TRIP12: variants seen among roughly 807,000 people sequenced by gnomAD.
The protein encoded by TRIP12 is E3 ubiquitin-protein ligase TRIP12.
In TRIP12, 25 loss-of-function variants were observed where a neutral mutation model predicts 244.2. The observed-to-expected ratio is 0.10, with a 90% confidence interval of 0.07 to 0.14. The LOEUF (loss-of-function observed/expected upper bound fraction) is 0.14, where lower values mean the gene tolerates loss of function less well. Among genes scored for constraint, TRIP12 ranks in the 10% least tolerant of loss-of-function variants. The pLI, the probability that TRIP12 is intolerant of heterozygous loss-of-function variation, is 1.00. For missense variants in TRIP12, 1,677 were observed against 2,486.4 expected (o/e 0.67, Z 6.92); for synonymous variants, 905 against 873.1 (o/e 1.04, Z -0.64).
At chr2:229,793,515 T>C (rs1428244696) in intron 26 of TRIP12, 1 of 154,954 alleles carries the variant, frequency 6.5e-6, no homozygotes, top group Non-Finnish European at 1.4e-5. Context: ...CCCATTCCTA[T>C]TGAATTATAT....
chr2:229,905,180 A>G (rs1474709816), intron 1 of TRIP12, among the ~76,000 whole-genome samples: 1 of 152,024 alleles, frequency 6.6e-6, no homozygotes, highest in African/African-American at 2.4e-5. Context: ...AGGGTGAGGC[A>G]GGAGAATCGC....
At chr2:229,915,214 C>T (rs540954175) in intron 1 of TRIP12, among the ~76,000 whole-genome samples, 3 of 152,078 alleles carry the variant, frequency 2.0e-5, no homozygotes, top group Admixed American at 2.0e-4. Context: ...GATTGCGCCA[C>T]TGCACTCCAA....
At chr2:229,771,480 T>G in intron 39 of TRIP12, 39 bp downstream of exon 39, 2 of 1,547,436 alleles carry the variant, frequency 1.3e-6, no homozygotes, top group Non-Finnish European at 1.8e-6. Context: ...CCACTAAAAT[T>G]ATAGGTATGA....
intron 15 of TRIP12, 122 bp from the exon 16 acceptor site, chr2:229,808,491 G>A: frequency 1.5e-6 from 1 of 664,224 alleles, no homozygotes; most frequent in Non-Finnish European, 2.5e-6. Flanking sequence ...GCAACATAAT[G>A]CAGAAATTAA....
Position 229,810,977 on chromosome 2 carries a change from T to G in TRIP12, c.2124A>C (p.Pro708=). 6.2e-7 allele frequency: 1 copy of G among 1,614,050 alleles called. No homozygotes were observed. Among genetic ancestry groups the G allele is most frequent in the Non-Finnish European group, 8.5e-7 (1 of 1,179,984 alleles). The change falls in exon 15 of 42, where the codon CCA becomes CCC. Residue 708 remains proline (P), a synonymous_variant. Coordinates refer to ENST00000675903, the MANE Select transcript of TRIP12 (RefSeq NM_001348323.3). ...TAAACATCCCAGAACTTAAAATGGG[T>G]GGAGTCACTACCAACAGCTGTTGAA... The part of the protein sequence containing the change: ...TNVQQLLVVT[P]PILSSGMFIM...
chr2:229,768,856 T>C (rs1371926103), intron 40 of TRIP12, 137 bp from the exon 41 acceptor site: 4 of 803,912 alleles, frequency 5.0e-6, no homozygotes, highest in Non-Finnish European at 7.6e-6. Flanking sequence ...ACAATGTACT[T>C]AAATTCGTTT....
chr2:229,771,296 T>C (rs2034238006), intron 39 of TRIP12, among the ~76,000 whole-genome samples: 1 of 152,228 alleles, frequency 6.6e-6, no homozygotes, highest in Non-Finnish European at 1.5e-5. Flanking sequence ...GATGCTATGC[T>C]TACTGTCACG....
intron 23 of TRIP12, 56 bp downstream of exon 23, chr2:229,798,819 T>C: frequency 6.3e-7 from 1 of 1,577,826 alleles, no homozygotes; most frequent in Non-Finnish European, 8.7e-7. Context: ...GCTGAAATAA[T>C]GTTTAAGTTT....
intron 38 of TRIP12, 54 bp downstream of exon 38, chr2:229,774,043 G>A (rs2035442878): frequency 5.1e-6 from 8 of 1,569,626 alleles, no homozygotes; most frequent in Non-Finnish European, 5.2e-6. Flanking sequence ...GTACAATCAG[G>A]CAAAGTCCTC....
chr2:229,791,812 C>CA, intron 29 of TRIP12, 54 bp downstream of exon 29: 1 of 1,579,142 alleles, frequency 6.3e-7, no homozygotes, highest in Non-Finnish European at 8.6e-7. Flanking sequence ...TTCTAAAACA[C>CA]AAGAACAGTT....
chr2:229,844,097 A>G (rs958717723), intron 4 of TRIP12, among the ~76,000 whole-genome samples: 2 of 152,212 alleles, frequency 1.3e-5, no homozygotes, highest in African/African-American at 4.8e-5. Context: ...TTAAAACAAC[A>G]TTGTAAGAGA....
intron 1 of TRIP12, among the ~76,000 whole-genome samples, chr2:229,901,852 G>C (rs13399826): frequency 6.6e-6 from 1 of 151,860 alleles, no homozygotes; most frequent in East Asian, 2.0e-4. Context: ...GTAGCAGACA[G>C]GGTTCCCTAC....
chr2:229,808,051 C>T (rs571883431), intron 16 of TRIP12, among the ~76,000 whole-genome samples, 187 bp from the exon 17 acceptor site: 4 of 152,104 alleles, frequency 2.6e-5, no homozygotes, highest in African/African-American at 9.6e-5. Flanking sequence ...CTGCAACCTC[C>T]GCCTCCCAGG....
At chr2:229,805,351 TG>T (rs1158909070) in intron 18 of TRIP12, among the ~76,000 whole-genome samples, 1 of 152,216 alleles carries the variant, frequency 6.6e-6, no homozygotes, top group Non-Finnish European at 1.5e-5. Context: ...TGTTTTGTTT[TG>T]TTTTTTTAAT....
At chr2:229,796,079 C>A (rs1422057479) in intron 25 of TRIP12, among the ~76,000 whole-genome samples, 1 of 152,172 alleles carries the variant, frequency 6.6e-6, no homozygotes, top group East Asian at 1.9e-4. Flanking sequence ...CTTGCTCTGG[C>A]CCACTTAAGA....
At chr2:229,913,502 A>G (rs1266288256) in intron 1 of TRIP12, among the ~76,000 whole-genome samples, 2 of 152,224 alleles carry the variant, frequency 1.3e-5, no homozygotes, top group African/African-American at 4.8e-5. Context: ...ACTAATAAAC[A>G]TCATCTCCAA....
chr2:229,786,714 G>A (rs535301096), intron 33 of TRIP12, among the ~76,000 whole-genome samples: 23 of 151,698 alleles, frequency 1.5e-4, no homozygotes, highest in South Asian at 4.2e-4. Flanking sequence ...ACCACACACC[G>A]GGCCCAAGAA....
intron 1 of TRIP12, among the ~76,000 whole-genome samples, chr2:229,901,408 G>A (rs2070779086): frequency 6.6e-6 from 1 of 151,178 alleles, no homozygotes; most frequent in Non-Finnish European, 1.5e-5. Context: ...ATCACCTGAG[G>A]TCAGGAGCTC....
upstream of TRIP12, chr2:229,922,262 C>T (rs992485514): frequency 1.6e-5 from 8 of 512,274 alleles, no homozygotes; most frequent in Admixed American, 3.3e-5. Context: ...TGGTATCCCT[C>T]CGCCGGGGTC....
Sources: allele counts gnomAD v4.1 joint callset (sites outside exome capture counted in the v4.1 genomes callset), GRCh38; gene constraint gnomAD v4.1.1; transcripts MANE v1.5; gene names NCBI Gene and HGNC (gene_info 2026-07-23, HGNC 2026-07-21).